The following PGGHG variants were observed in gnomAD, a reference collection of about 807,000 sequenced individuals.
PGGHG encodes protein-glucosylgalactosylhydroxylysine glucosidase, also known as ATH1, acid trehalase-like 1.
In PGGHG, 67 loss-of-function variants were observed where a neutral mutation model predicts 74.5. That is an observed-to-expected ratio of 0.90 (90% CI 0.74 to 1.10). The LOEUF (loss-of-function observed/expected upper bound fraction) is 1.10, where lower values mean the gene tolerates loss of function less well. PGGHG is among the 50% of genes least tolerant of loss of function. The probability of loss-of-function intolerance (pLI) is 0.00; values close to 1 mark genes in which losing one functional copy is unlikely to be tolerated. For missense variants in PGGHG, 1,034 were observed against 981.5 expected (o/e 1.05, Z -0.72); for synonymous variants, 496 against 419.9 (o/e 1.18, Z -2.21).
intron 5 of PGGHG, 127 bp from the exon 6 acceptor site, chr11:292,419 C>G (rs1373536912): frequency 8.1e-7 from 1 of 1,240,644 alleles, no homozygotes; most frequent in East Asian, 2.4e-5. Flanking sequence ...GGCCTTCTAG[C>G]AGTAGCACCC....
intron 5 of PGGHG, 23 bp downstream of exon 5, chr11:292,118 C>A (rs1337663481): frequency 6.5e-7 from 1 of 1,529,336 alleles, no homozygotes; most frequent in Admixed American, 2.2e-5. Context: ...GGGGCACTGG[C>A]CCGTAGGGCC....
chr11:294,261 C>T lies in PGGHG; in HGVS notation c.1809-6C>T, dbSNP rs2134030765. 6.2e-7 allele frequency: 1 copy of T among 1,600,002 alleles called. No homozygotes were observed. Among genetic ancestry groups the T allele is most frequent in the East Asian group, 2.2e-5 (1 of 44,744 alleles). ...CCTGCCACCTCACAAGCCTCTCCTC[C>T]CACAGGGTCACCCGAGCGGGTGTGA... On this transcript the variant is annotated splice_polypyrimidine_tract_variant and splice_region_variant and intron_variant, in intron 12 of 13. Coordinates refer to ENST00000409548, the MANE Select transcript of PGGHG (RefSeq NM_025092.5).
rs1450170885 is a variant in PGGHG, at chr11:293,684, T to C, written c.1571T>C (p.Ile524Thr). The change falls in exon 10 of 14, where the codon ATT becomes ACT. Residue 524 changes from isoleucine to threonine, a missense_variant. Coordinates refer to ENST00000409548, the MANE Select transcript of PGGHG (RefSeq NM_025092.5). ...GATGTTCGCAGGAAAAATCTGGAGA[T>C]TTACGAGGCTGTGACGTCCCCCCAG... ...SPDVRRKNLE[I>T]YEAVTSPQGP... The C allele has an allele frequency of 1.2e-6, 2 of 1,613,132 alleles. No homozygotes were observed. The highest frequency in any genetic ancestry group is 1.7e-6 in the Non-Finnish European group (2 of 1,179,924).
intron 7 of PGGHG, 58 bp from the exon 8 acceptor site, chr11:293,105 G>A (rs746537072): frequency 1.6e-5 from 26 of 1,613,774 alleles, no homozygotes; most frequent in East Asian, 6.7e-5. Flanking sequence ...GACCACCGGC[G>A]TGGAGGGAAG....
chr11:290,069 A>G lies in PGGHG; in HGVS notation c.253A>G (p.Asn85Asp). Reference sequence around the variant, plus strand: ...GACCGAGACCTTCGCCCTGGACACCAACACAGGTAGCGCCACCTGGCCTGC... The same window carrying G: ...GACCGAGACCTTCGCCCTGGACACCGACACAGGTAGCGCCACCTGGCCTGC... ...QLTETFALDTNTGSFLHTLEG... is the reference protein window; with the variant it reads ...QLTETFALDTDTGSFLHTLEG... Residue 85 changes from asparagine (N) to aspartate (D), a missense_variant, in exon 2 of 14, where the codon AAC (asparagine) becomes GAC (aspartate). Physicochemically the swap from Asn to Asp is conservative, Grantham distance 23. Coordinates refer to ENST00000409548, the MANE Select transcript of PGGHG (RefSeq NM_025092.5). The G allele has an allele frequency of 4.6e-6, 7 of 1,529,938 alleles. No individual in the cohort carries two copies. The highest frequency in any genetic ancestry group is 6.1e-6 in the Non-Finnish European group (7 of 1,139,990). 94.8% of individuals were successfully genotyped at this position (1,529,938 alleles called of 1,614,324 possible).
In PGGHG at chr11:294,165, C is replaced by T; in HGVS notation, c.1777C>T (p.Gln593Ter). ...CCTGACAGGCATGGGGGGCTTCCTG[C>T]AGGCGGTGGTCTTCGGGTGCACGGG... ...NFLTGMGGFL[Q>*]AVVFGCTGFR... The change falls in exon 12 of 14, where the codon CAG becomes TAG. Residue 593 changes from glutamine to a stop codon, truncating the protein, a stop_gained. Transcript: ENST00000409548. LOFTEE classifies it high-confidence loss of function. 1.2e-6 allele frequency: 2 copies of T among 1,612,550 alleles called. No homozygotes were observed. The highest frequency in any genetic ancestry group is 1.7e-6 in the Non-Finnish European group (2 of 1,179,340).
intron 4 of PGGHG, 59 bp from the exon 5 acceptor site, chr11:291,917 A>C (rs1472591763): frequency 1.3e-6 from 2 of 1,542,230 alleles, no homozygotes; most frequent in African/African-American, 1.4e-5. Context: ...GAATGTGGCC[A>C]GGAGGGGCGG....
intron 7 of PGGHG, 21 bp from the exon 8 acceptor site, chr11:293,142 A>T: frequency 6.2e-7 from 1 of 1,613,854 alleles, no homozygotes. Context: ...ACTGAGCACC[A>T]TCTTGGACTT....
chr11:295,111 C>G lies in PGGHG; in HGVS notation c.*362C>G, dbSNP rs1039250062. On this transcript the variant is annotated 3_prime_UTR_variant, in exon 14 of 14. Coordinates refer to ENST00000409548, the MANE Select transcript of PGGHG (RefSeq NM_025092.5). The stretch of plus-strand genomic sequence containing the variant: ...GAGAGCAGTGGTCACAGCGGCCGGC[C>G]GCTCTGCTGAGAAGGCAGAGAGGCA... The G allele has an allele frequency of 5.2e-6, 1 of 191,876 alleles. No homozygotes were observed. The highest frequency in any genetic ancestry group is 1.3e-4 in the East Asian group (1 of 7,870). The allele number at this position is 191,876 out of a possible 1,614,324, so 11.9% of individuals were successfully genotyped here. A position where few individuals can be genotyped will look rare whatever the true frequency, so the allele number is the denominator to read the frequency against.
At position 289,599 on chromosome 11, in the gene PGGHG, T is replaced by C; in HGVS notation, c.-13-205T>C. 1.6e-6 allele frequency: 1 copy of C among 624,026 alleles called. No individual in the cohort carries two copies. Among genetic ancestry groups the C allele is most frequent in the Admixed American group, 3.2e-5 (1 of 31,060 alleles). 38.7% of individuals were successfully genotyped at this position (624,026 alleles called of 1,614,324 possible). A position where few individuals can be genotyped will look rare whatever the true frequency, so the allele number is the denominator to read the frequency against. On this transcript the variant is annotated intron_variant, in intron 1 of 13. Coordinates refer to ENST00000409548, the MANE Select transcript of PGGHG (RefSeq NM_025092.5). This position sits in a 1 kb window ranked among gnomAD's most constrained non-coding sequence, Gnocchi z 5.6. ...AGGGGCTCAGCTGGGTTCCTGGAGA[T>C]CAACCTTTGGGGTCTGAGCCCCTCT...
At position 293,009 on chromosome 11, in the gene PGGHG, G is replaced by A. The variant is rs376887602; in HGVS notation, c.1270+12G>A. On this transcript the variant is annotated intron_variant, in intron 7 of 13. Coordinates refer to ENST00000409548, the MANE Select transcript of PGGHG (RefSeq NM_025092.5). ...GTACCACCTGAGGGGTGAGGCCATG[G>A]TGGGGAGGGGCTCGGGGAGGAAGGG... 1.5e-4 allele frequency: 245 copies of A among 1,614,000 alleles called. No homozygotes were observed. The highest frequency in any genetic ancestry group is 6.6e-4 in the Middle Eastern group (4 of 6,062).
Position 290,413 on chromosome 11 carries a change from G to T in PGGHG, c.283G>T (p.Gly95Cys), listed in dbSNP as rs1374579763. The change falls in exon 3 of 14, where the codon GGC (glycine) becomes TGC (cysteine). Residue 95 changes from glycine (G) to cysteine (C), a missense_variant. Transcript: ENST00000409548. The part of the protein sequence containing the change: ...NTGSFLHTLE[G>C]PRFRASQCIY... ...AGGCTCCTTTCTTCACACCCTGGAG[G>T]GCCCCCGCTTCCGGGCCTCCCAGTG... 1.3e-6 allele frequency: 2 copies of T among 1,546,908 alleles called. No individual in the cohort carries two copies. The highest frequency in any genetic ancestry group is 2.0e-5 in the Admixed American group (1 of 51,010).
intron 5 of PGGHG, 88 bp downstream of exon 5, chr11:292,183 C>A: frequency 1.4e-6 from 2 of 1,435,226 alleles, no homozygotes; most frequent in Non-Finnish European, 9.2e-7. Context: ...TCTCCCCAGG[C>A]CCCCTCTGGA....
Position 291,012 on chromosome 11 carries a change from C to T in PGGHG, c.805C>T (p.Gln269Ter), listed in dbSNP as rs1380197600. 3 of 1,612,538 alleles carry T rather than the reference C, an allele frequency of 1.9e-6. No individual in the cohort carries two copies. ...SLYYLLSALP[Q>*]PKAPGYICHG... ...CTACTACCTGCTCAGTGCCCTGCCC[C>T]AGCCCAAGGCCCCAGGATACATCTG... Residue 269 changes from glutamine (Q) to a stop codon, truncating the protein, a stop_gained, in exon 4 of 14, where the codon CAG becomes TAG. Transcript: ENST00000409548. LOFTEE classifies it high-confidence loss of function.
chr11:293,881 G>A lies in PGGHG; in HGVS notation c.1666G>A (p.Gly556Ser), dbSNP rs754532279. The A allele has an allele frequency of 4.3e-6, 7 of 1,613,454 alleles. No homozygotes were observed. Among genetic ancestry groups the A allele is most frequent in the East Asian group, 2.2e-5 (1 of 44,896 alleles). Residue 556 changes from glycine (G) to serine (S), a missense_variant, in exon 11 of 14, where the codon GGC becomes AGC. By Grantham distance (56) the Gly-to-Ser change is moderately conservative. Coordinates refer to ENST00000409548, the MANE Select transcript of PGGHG (RefSeq NM_025092.5). The stretch of plus-strand genomic sequence containing the variant: ...GCTGAAGGACGCAGTGCGGGCCCGG[G>A]GCCTCCTGGACAGGAGCTTTGCCAA... ...MELKDAVRAR[G>S]LLDRSFANMA...
chr11:291,995 G>A lies in PGGHG; in HGVS notation c.926G>A (p.Ser309Asn), dbSNP rs779131140. The A allele has an allele frequency of 6.2e-7, 1 of 1,610,482 alleles. No individual in the cohort carries two copies. The highest frequency in any genetic ancestry group is 1.7e-5 in the Admixed American group (1 of 59,628). The change falls in exon 5 of 14, where the codon AGT becomes AAT. Residue 309 changes from serine to asparagine, a missense_variant. Ser to Asn is a conservative substitution (Grantham distance 46, BLOSUM62 1). Coordinates refer to ENST00000409548, the MANE Select transcript of PGGHG (RefSeq NM_025092.5). ...TCTCAGGACCTCTGGATGTTCCCGA[G>A]TATCCTGATGTTCCACCCAGAAGCC... ...FWDQDLWMFP[S>N]ILMFHPEAAR... is the part of the protein sequence containing the mutation.
chr11:290,668 G>C lies in PGGHG; in HGVS notation c.471-10G>C, dbSNP rs775861335. The C allele has an allele frequency of 3.7e-6, 6 of 1,609,024 alleles. No individual in the cohort carries two copies. The African/African-American group carries it at 4.0e-5, about 11-fold the overall frequency. ...GAGCTCATCCCTGAGGCATGGCCAC[G>C]CTCTCACAGGTACCTGTATGGCCAC... On this transcript the variant is annotated splice_polypyrimidine_tract_variant and intron_variant, in intron 3 of 13. Coordinates refer to ENST00000409548, the MANE Select transcript of PGGHG (RefSeq NM_025092.5).
chr11:290,245 C>T, intron 2 of PGGHG, 145 bp from the exon 3 acceptor site: 3 of 1,331,510 alleles, frequency 2.3e-6, no homozygotes, highest in East Asian at 2.5e-5. Flanking sequence ...CTGGAGGCCT[C>T]CTGTGCAGCT....
In PGGHG at chr11:289,600, C is replaced by T; in HGVS notation, c.-13-204C>T. 1.6e-6 allele frequency: 1 copy of T among 629,318 alleles called. No individual in the cohort carries two copies. Among genetic ancestry groups the T allele is most frequent in the African/African-American group, 1.8e-5 (1 of 54,270 alleles). 39.0% of individuals were successfully genotyped at this position (629,318 alleles called of 1,614,324 possible). A position where few individuals can be genotyped will look rare whatever the true frequency, so the allele number is the denominator to read the frequency against. On this transcript the variant is annotated intron_variant, in intron 1 of 13. Transcript: ENST00000409548. This position sits in a 1 kb window ranked among gnomAD's most constrained non-coding sequence, Gnocchi z 5.6. ...GGGGCTCAGCTGGGTTCCTGGAGATCAACCTTTGGGGTCTGAGCCCCTCTG... is the reference window on the plus strand; with the variant it reads ...GGGGCTCAGCTGGGTTCCTGGAGATTAACCTTTGGGGTCTGAGCCCCTCTG...
Sources: gnomAD v4.1 joint callset for allele counts on GRCh38, gnomAD v4.1.1 for gene constraint, Gnocchi (gnomAD v3.1) non-coding constraint, MANE v1.5 for transcripts, NCBI Gene and HGNC (gene_info 2026-07-23, HGNC 2026-07-21) for gene names.